Variants in SLC25A36 observed in about 807,000 individuals in gnomAD.
SLC25A36 encodes the protein epididymis secretory sperm binding protein.
In SLC25A36, 24 loss-of-function variants were observed where a neutral mutation model predicts 35.3. The observed-to-expected ratio is 0.68, with a 90% CI of 0.49 to 0.96. SLC25A36 has a LOEUF of 0.96. SLC25A36 is among the 40% of genes least tolerant of loss of function. The pLI, the probability that SLC25A36 is intolerant of heterozygous loss-of-function variation, is 0.00. For synonymous variants in SLC25A36, 141 were observed against 132.2 expected (o/e 1.07, Z -0.46); for missense variants, 294 against 381.1 (o/e 0.77, Z 1.90).
chr3:140,963,536 TA>T, intron 4 of SLC25A36: 2 of 179,032 alleles, frequency 1.1e-5, no homozygotes, highest in East Asian at 3.2e-4. Context: ...ATAAATAAGT[TA>T]TGGAGCTGTA....
chr3:140,976,174 C>A, intron 6 of SLC25A36, 86 bp from the exon 7 acceptor site: 1 of 894,586 alleles, frequency 1.1e-6, no homozygotes, highest in Non-Finnish European at 1.7e-6. Flanking sequence ...CTTACACTTA[C>A]AGACTGATAA....
At chr3:140,956,841 A>G in intron 2 of SLC25A36, 150 bp downstream of exon 2, 1 of 1,259,376 alleles carries the variant, frequency 7.9e-7, no homozygotes, top group Non-Finnish European at 1.0e-6. Context: ...AGGAATGATA[A>G]TCCCTAATGG....
At chr3:140,960,399 T>C (rs564355229) in intron 3 of SLC25A36, among the ~76,000 whole-genome samples, 6 of 152,348 alleles carry the variant, frequency 3.9e-5, no homozygotes, top group South Asian at 4.1e-4. Flanking sequence ...TTTCTGCTTT[T>C]CATAGCTGTC....
In SLC25A36 at chr3:140,970,927, G is replaced by T; in HGVS notation, c.386G>T (p.Gly129Val). The T allele has an allele frequency of 7.0e-7, 1 of 1,435,360 alleles. No homozygotes were observed. The highest frequency in any genetic ancestry group is 9.8e-7 in the Non-Finnish European group (1 of 1,019,178). The allele number at this position is 1,435,360 out of a possible 1,614,324, so 88.9% of individuals were successfully genotyped here. Residue 129 changes from glycine to valine, a missense_variant and splice_region_variant, in exon 5 of 7, where the codon GGT becomes GTT. Physicochemically the swap from Gly to Val is moderately radical, Grantham distance 109. Transcript: ENST00000324194. ...GTTCATTTTAAACATGTTTGTTTAG[G>T]TTTTACTGCAATCACAGCAACCAAC... The part of the protein sequence containing the change: ...QVHMISAAMA[G>V]FTAITATNPI...
intron 1 of SLC25A36, among the ~76,000 whole-genome samples, chr3:140,945,763 T>G (rs1934147598): frequency 6.7e-6 from 1 of 149,252 alleles, no homozygotes; most frequent in Non-Finnish European, 1.5e-5. Flanking sequence ...AAAGCCAGTT[T>G]AACCTAAGAA....
chr3:140,966,840 C>A, intron 4 of SLC25A36: 1 of 425,218 alleles, frequency 2.4e-6, no homozygotes, highest in Non-Finnish European at 4.9e-6. Context: ...GTAAATATTT[C>A]TCAAATCCTT....
chr3:140,964,874 A>G (rs1300646984), intron 4 of SLC25A36: 2 of 151,854 alleles, frequency 1.3e-5, no homozygotes, highest in Non-Finnish European at 1.5e-5. Flanking sequence ...TTATTACTGT[A>G]TTTGTATCAC....
At chr3:140,964,656 C>A (rs9917645) in intron 4 of SLC25A36, 4 of 151,558 alleles carry the variant, frequency 2.6e-5, no homozygotes, top group African/African-American at 9.7e-5. Context: ...AAATATATTT[C>A]TGAATTACCA....
chr3:140,953,495 T>C (rs1934385719), intron 1 of SLC25A36, among the ~76,000 whole-genome samples: 1 of 152,178 alleles, frequency 6.6e-6, no homozygotes, highest in Non-Finnish European at 1.5e-5. Context: ...TCACATAATA[T>C]ATTCAGCCCC....
At chr3:140,962,533 G>A (rs569924086) in intron 3 of SLC25A36, among the ~76,000 whole-genome samples, 1 of 152,260 alleles carries the variant, frequency 6.6e-6, no homozygotes, top group East Asian at 1.9e-4. Flanking sequence ...TCTGTTTAAG[G>A]ATAATGTGAA....
intron 1 of SLC25A36, among the ~76,000 whole-genome samples, chr3:140,948,583 A>C (rs370160126): frequency 4.6e-5 from 7 of 152,354 alleles, no homozygotes; most frequent in African/African-American, 1.7e-4. Context: ...TATAAAGCTA[A>C]ACACTGCTTA....
At chr3:140,960,994 T>C (rs1285270720) in intron 3 of SLC25A36, among the ~76,000 whole-genome samples, 2 of 152,214 alleles carry the variant, frequency 1.3e-5, no homozygotes, top group East Asian at 3.8e-4. Flanking sequence ...TCTGACACCA[T>C]TGCATCTTAG....
chr3:140,979,576 A>T lies in SLC25A36; in HGVS notation c.*3123A>T, dbSNP rs1935137315. The T allele has an allele frequency of 6.6e-6, 1 of 152,162 alleles. No individual in the cohort carries two copies. The highest frequency in any genetic ancestry group is 2.4e-5 in the African/African-American group (1 of 41,446). 9.4% of individuals were successfully genotyped at this position (152,162 alleles called of 1,614,324 possible). A position where few individuals can be genotyped will look rare whatever the true frequency, so the allele number is the denominator to read the frequency against. ...AAATTTGAGGAATTTTAATACATAA[A>T]ATACAATGTACAAACTTTCTGCCCA... On this transcript the variant is annotated 3_prime_UTR_variant, in exon 7 of 7. Transcript: ENST00000324194.
chr3:140,963,563 C>T (rs1451778746), intron 4 of SLC25A36: 1 of 163,986 alleles, frequency 6.1e-6, no homozygotes, highest in Admixed American at 6.5e-5. Context: ...CTCTTCTCTC[C>T]TCAATTTCTG....
chr3:140,949,680 ACT>A (rs1433106863), intron 1 of SLC25A36, among the ~76,000 whole-genome samples: 4 of 152,104 alleles, frequency 2.6e-5, no homozygotes, highest in African/African-American at 9.7e-5. Context: ...TAACCAAGAA[ACT>A]CTCCTTTCTG....
Position 140,944,196 on chromosome 3 carries a change from G to T in SLC25A36, c.41+2101G>T, listed in dbSNP as rs148454886. ...CACAGAGTATTTAATCTTAGGCAAGGGTTTTCCGAATATGGAGCCTTTAAG... is the reference window on the plus strand; with the variant it reads ...CACAGAGTATTTAATCTTAGGCAAGTGTTTTCCGAATATGGAGCCTTTAAG... On this transcript the variant is annotated intron_variant, in intron 1 of 6. Coordinates refer to ENST00000324194, the MANE Select transcript of SLC25A36 (RefSeq NM_001104647.3). 1.7e-3 allele frequency among the ~76,000 whole-genome samples: 252 copies of T among 152,250 alleles called. 3 individuals carry two copies. In the East Asian group the frequency reaches 0.019, roughly 12 times the overall value.
intron 1 of SLC25A36, among the ~76,000 whole-genome samples, chr3:140,952,867 A>ATATTCAAGAATACTCTT (rs1934365533): frequency 6.6e-6 from 1 of 152,226 alleles, no homozygotes; most frequent in Non-Finnish European, 1.5e-5. Context: ...GAAGTTATTC[A>ATATTCAAGAATACTCTT]TATTCAAGAA....
At chr3:140,970,101 C>T (rs569882817) in intron 4 of SLC25A36, among the ~76,000 whole-genome samples, 1 of 152,018 alleles carries the variant, frequency 6.6e-6, no homozygotes, top group South Asian at 2.1e-4. Flanking sequence ...ATGCACTATC[C>T]TAGAAACATA....
At position 140,978,496 on chromosome 3, in the gene SLC25A36, A is replaced by C. The variant is rs1935110082; in HGVS notation, c.*2043A>C. ...CTAGTCTTACTGATCTCAGTACCCC[A>C]CAAATGATTAAGAATGATATGAAAA... On this transcript the variant is annotated 3_prime_UTR_variant, in exon 7 of 7. Coordinates refer to ENST00000324194, the MANE Select transcript of SLC25A36 (RefSeq NM_001104647.3). The C allele has an allele frequency of 6.6e-6, 1 of 152,184 alleles. No homozygotes were observed. The highest frequency in any genetic ancestry group is 2.4e-5 in the African/African-American group (1 of 41,452). 9.4% of individuals were successfully genotyped at this position (152,184 alleles called of 1,614,324 possible). A position where few individuals can be genotyped will look rare whatever the true frequency, so the allele number is the denominator to read the frequency against.
Sources: gnomAD v4.1 joint callset for allele counts (sites outside exome capture counted in the v4.1 genomes callset) on GRCh38, gnomAD v4.1.1 for gene constraint, MANE v1.5 for transcripts, NCBI Gene and HGNC (gene_info 2026-07-23, HGNC 2026-07-21) for gene names.